The following PDE11A variants were observed in gnomAD, a reference collection of about 807,000 sequenced individuals.
PDE11A encodes the protein phosphodiesterase 11A.
Under a neutral mutation model 100.5 loss-of-function variants are expected in PDE11A, and 100 were observed. That is an observed-to-expected ratio of 1.00 (90% CI 0.85 to 1.18). The LOEUF (loss-of-function observed/expected upper bound fraction) is 1.18. Ranked by LOEUF, PDE11A falls within the 50% of genes most tolerant of loss-of-function variation. The probability of loss-of-function intolerance (pLI) is 0.00; values close to 1 mark genes in which losing one functional copy is unlikely to be tolerated. For missense variants in PDE11A, 1,141 were observed against 1,152.6 expected (o/e 0.99, Z 0.15); for synonymous variants, 381 against 420.8 (o/e 0.91, Z 1.16).
At chr2:177,746,912 T>C (rs1434632390) in intron 10 of PDE11A, among the ~76,000 whole-genome samples, 1 of 152,110 alleles carries the variant, frequency 6.6e-6, no homozygotes, top group Non-Finnish European at 1.5e-5. Context: ...TAGCATCAAA[T>C]GAGGATTACT....
At chr2:178,086,195 G>T (rs757357227) in intron 2 of PDE11A, among the ~76,000 whole-genome samples, 1 of 152,162 alleles carries the variant, frequency 6.6e-6, no homozygotes, top group East Asian at 1.9e-4. Context: ...CAGGACTGCC[G>T]ACCTTCCTAC....
intron 1 of PDE11A, among the ~76,000 whole-genome samples, chr2:178,042,305 C>A (rs998701688): frequency 2.0e-5 from 3 of 152,114 alleles, no homozygotes; most frequent in Non-Finnish European, 4.4e-5. Flanking sequence ...CACATTGAGA[C>A]TCCGCCTCTA....
At chr2:177,786,070 G>C (rs1035786034) in intron 9 of PDE11A, among the ~76,000 whole-genome samples, 1 of 152,140 alleles carries the variant, frequency 6.6e-6, no homozygotes, top group Non-Finnish European at 1.5e-5. Flanking sequence ...ATCTGAGAAC[G>C]GGCAGACTGC....
Position 177,628,317 on chromosome 2 carries a change from G to C in PDE11A, c.*1090C>G, listed in dbSNP as rs1306841697. The stretch of plus-strand genomic sequence containing the variant: ...ACCATGTCCACAATTTCTCAATATA[G>C]GGAGCAAAGCAGCTTTCTAGTCATT... On this transcript the variant is annotated 3_prime_UTR_variant, in exon 20 of 20. Coordinates refer to ENST00000286063, the MANE Select transcript of PDE11A (RefSeq NM_016953.4). The C allele has an allele frequency of 6.6e-6, 1 of 152,570 alleles. No homozygotes were observed. The allele number at this position is 152,570 out of a possible 1,614,324, so 9.5% of individuals were successfully genotyped here. A position where few individuals can be genotyped will look rare whatever the true frequency, so the allele number is the denominator to read the frequency against.
chr2:177,657,377 G>A (rs1320289063), intron 19 of PDE11A, among the ~76,000 whole-genome samples: 2 of 152,156 alleles, frequency 1.3e-5, no homozygotes, highest in Non-Finnish European at 2.9e-5. Flanking sequence ...GGCAAATGGC[G>A]GTTCCCAGCT....
At chr2:177,739,669 G>C (rs1189678546) in intron 10 of PDE11A, among the ~76,000 whole-genome samples, 3 of 152,186 alleles carry the variant, frequency 2.0e-5, no homozygotes, top group Non-Finnish European at 4.4e-5. Flanking sequence ...TCTCTCTGCT[G>C]TTGTCTCAAC....
chr2:177,631,573 GTATATATATATACACACACATATA>G (rs59960578), intron 19 of PDE11A, among the ~76,000 whole-genome samples: 3 of 19,738 alleles, frequency 1.5e-4, no homozygotes, highest in African/African-American at 3.0e-4. Context: ...ATATATACAT[GTATATATATATACACACACATATA>G]TATGTGTGTA....
chr2:177,938,646 T>G (rs2085306996), intron 2 of PDE11A, among the ~76,000 whole-genome samples: 3 of 152,138 alleles, frequency 2.0e-5, no homozygotes, highest in Admixed American at 2.0e-4. Flanking sequence ...CAGAATTAGG[T>G]TCCCCTACCT....
At chr2:177,642,232 G>A (rs905998352) in intron 19 of PDE11A, among the ~76,000 whole-genome samples, 4 of 152,220 alleles carry the variant, frequency 2.6e-5, no homozygotes, top group African/African-American at 4.8e-5. Context: ...TCTCAGACAT[G>A]TTCATATGAC....
At chr2:177,787,020 T>A (rs2082547251) in intron 9 of PDE11A, among the ~76,000 whole-genome samples, 1 of 143,506 alleles carries the variant, frequency 7.0e-6, no homozygotes, top group Admixed American at 6.9e-5. Context: ...AACATTCAGA[T>A]TCAGGAAATA....
At chr2:177,665,243 A>G (rs973391317) in intron 18 of PDE11A, among the ~76,000 whole-genome samples, 5 of 150,660 alleles carry the variant, frequency 3.3e-5, no homozygotes, top group African/African-American at 1.2e-4. Context: ...AGGTTGGGGC[A>G]GGAGGATCAC....
At chr2:177,814,710 G>T (rs2083008787) in intron 9 of PDE11A, among the ~76,000 whole-genome samples, 1 of 152,214 alleles carries the variant, frequency 6.6e-6, no homozygotes, top group Non-Finnish European at 1.5e-5. Context: ...TAAGGACAGA[G>T]GGATCTGAGT....
In PDE11A at chr2:177,748,318, G is replaced by C. The variant is rs549624407; in HGVS notation, c.1789-20146C>G. Among the ~76,000 whole-genome samples, 21 of 152,140 alleles carry C rather than the reference G, an allele frequency of 1.4e-4. No homozygotes were observed. In the East Asian group the frequency reaches 4.1e-3, roughly 29 times the overall value. The stretch of plus-strand genomic sequence containing the variant: ...AATTCTAGATGGAGTCCATTTTTTG[G>C]ACTCATACAGGAGTCCTGCATGCTA... On this transcript the variant is annotated intron_variant, in intron 10 of 19. Coordinates refer to ENST00000286063, the MANE Select transcript of PDE11A (RefSeq NM_016953.4).
chr2:177,820,154 G>GGA, intron 7 of PDE11A, 66 bp downstream of exon 7: 1 of 857,584 alleles, frequency 1.2e-6, no homozygotes. Context: ...AAAAGATATG[G>GGA]GAATATTTTA....
At chr2:177,883,007 C>A (rs1306235380) in intron 4 of PDE11A, among the ~76,000 whole-genome samples, 1 of 152,122 alleles carries the variant, frequency 6.6e-6, no homozygotes, top group Non-Finnish European at 1.5e-5. Context: ...TGGTGGCTCA[C>A]ACCTGTAATG....
rs1491152209 is a variant in PDE11A at position 177,637,998 on chromosome 2, T to TATATATATA, written c.2647-8437_2647-8436insTATATATAT. ...ACACGTGTATATATATATATATATA[T>TATATATATA]TTTTTTTTTTTTTTTTTTTGAGATG... On this transcript the variant is annotated intron_variant, in intron 19 of 19. Coordinates refer to ENST00000286063, the MANE Select transcript of PDE11A (RefSeq NM_016953.4). Among the ~76,000 whole-genome samples, 208 of 22,102 alleles carry TATATATATA rather than the reference T, an allele frequency of 9.4e-3. 3 individuals are homozygous for TATATATATA. The highest frequency in any genetic ancestry group is 0.024 in the Middle Eastern group (1 of 42). The allele number at this position is 22,102 out of a possible 152,430, so 14.5% of individuals were successfully genotyped here.
intron 2 of PDE11A, among the ~76,000 whole-genome samples, chr2:177,934,375 TGTAA>T (rs1230225043): frequency 6.6e-6 from 1 of 151,866 alleles, no homozygotes; most frequent in African/African-American, 2.4e-5. Flanking sequence ...CCAAGAAACA[TGTAA>T]AAAAATGCTC....
chr2:177,772,947 C>T (rs1440749298), intron 9 of PDE11A, among the ~76,000 whole-genome samples: 1 of 150,518 alleles, frequency 6.6e-6, no homozygotes, highest in Admixed American at 6.6e-5. Flanking sequence ...TTTAATGTGT[C>T]TTTTAATAAA....
intron 2 of PDE11A, among the ~76,000 whole-genome samples, chr2:178,089,474 C>T (rs1444925046): frequency 6.6e-6 from 1 of 152,136 alleles, no homozygotes; most frequent in African/African-American, 2.4e-5. Context: ...ACAATTCTGG[C>T]CAAACCAACT....
Sources: allele counts gnomAD v4.1 joint callset (sites outside exome capture counted in the v4.1 genomes callset), GRCh38; gene constraint gnomAD v4.1.1; transcripts MANE v1.5; gene names NCBI Gene and HGNC (gene_info 2026-07-23, HGNC 2026-07-21).